The following ATP13A3 variants were observed in gnomAD, a reference collection of about 807,000 sequenced individuals.
ATP13A3 encodes the protein ATPase 13A3, also known as polyamine-transporting ATPase 13A3.
In ATP13A3, 59 loss-of-function variants were observed where a neutral mutation model predicts 158.1. The observed-to-expected ratio is 0.37, with a 90% CI of 0.30 to 0.46. ATP13A3 has a LOEUF of 0.46. Ranked by LOEUF, ATP13A3 falls within the 20% of genes least tolerant of loss-of-function variation. The probability of loss-of-function intolerance (pLI) is 1.00; values close to 1 mark genes in which losing one functional copy is unlikely to be tolerated. For synonymous variants in ATP13A3, 491 were observed against 504.3 expected, an observed-to-expected ratio of 0.97 and a Z score of 0.35; for missense variants, 1,166 against 1,525.2, an observed-to-expected ratio of 0.76 and a Z score of 3.92.
At chr3:194,413,730 G>A (rs1300615588) in intron 32 of ATP13A3, 29 bp downstream of exon 32, 1 of 1,569,632 alleles carries the variant, frequency 6.4e-7, no homozygotes, top group Non-Finnish European at 8.8e-7. Flanking sequence ...AAAGCAACAT[G>A]GTAGCCATTT....
intron 3 of ATP13A3, among the ~76,000 whole-genome samples, chr3:194,461,751 C>A (rs536393551): frequency 6.6e-6 from 1 of 152,144 alleles, no homozygotes; most frequent in South Asian, 2.1e-4. Context: ...CTGGCTCCCC[C>A]CAACAAAAAG....
intron 17 of ATP13A3, among the ~76,000 whole-genome samples, chr3:194,437,960 G>T (rs1161946584): frequency 2.6e-5 from 4 of 152,182 alleles, no homozygotes; most frequent in Non-Finnish European, 5.9e-5. Flanking sequence ...AGGAGATCGA[G>T]ACCAGACTTA....
At chr3:194,427,297 C>T in intron 28 of ATP13A3, 45 bp from the exon 29 acceptor site, 1 of 1,511,852 alleles carries the variant, frequency 6.6e-7, no homozygotes, top group Non-Finnish European at 8.9e-7. Context: ...TTACATTAAT[C>T]TATCACTATA....
At chr3:194,439,077 T>C in intron 16 of ATP13A3, 105 bp from the exon 17 acceptor site, 1 of 633,320 alleles carries the variant, frequency 1.6e-6, no homozygotes, top group Non-Finnish European at 2.6e-6. Context: ...TTATGGCCAT[T>C]TTCAATAATT....
chr3:194,438,553 A>G (rs527407783), intron 17 of ATP13A3, among the ~76,000 whole-genome samples: 1 of 152,354 alleles, frequency 6.6e-6, no homozygotes, highest in African/African-American at 2.4e-5. Context: ...TTTCTGATAA[A>G]CGCAGTTAAA....
At chr3:194,479,472 G>C (rs954174959) in intron 2 of ATP13A3, among the ~76,000 whole-genome samples, 12 of 151,534 alleles carry the variant, frequency 7.9e-5, no homozygotes, top group Non-Finnish European at 1.6e-4. Context: ...GAGAAACAAG[G>C]AAACTACAGA....
chr3:194,458,327 G>C (rs1577076986), intron 6 of ATP13A3, among the ~76,000 whole-genome samples: 1 of 150,904 alleles, frequency 6.6e-6, no homozygotes, highest in African/African-American at 2.4e-5. Context: ...GGCAGCAGGG[G>C]CCAGTGCCAA....
At chr3:194,452,377 G>C (rs114073587) in intron 10 of ATP13A3, 1 of 152,084 alleles carries the variant, frequency 6.6e-6, no homozygotes, top group Non-Finnish European at 1.5e-5. Flanking sequence ...CTCTAATCCC[G>C]GCTACTCAGG....
intron 2 of ATP13A3, among the ~76,000 whole-genome samples, chr3:194,464,759 C>T (rs1401292926): frequency 6.6e-6 from 1 of 152,078 alleles, no homozygotes; most frequent in African/African-American, 2.4e-5. Flanking sequence ...CAGTAGTCAC[C>T]GGGGTCTGTT....
chr3:194,413,666 C>T, intron 32 of ATP13A3, 93 bp downstream of exon 32: 1 of 1,126,256 alleles, frequency 8.9e-7, no homozygotes, highest in South Asian at 1.3e-5. Context: ...TGTGGCTTTC[C>T]ATTATATTAC....
chr3:194,430,459 T>C (rs1717136735), intron 24 of ATP13A3, 144 bp from the exon 25 acceptor site: 7 of 908,696 alleles, frequency 7.7e-6, no homozygotes, highest in South Asian at 1.7e-5. Context: ...TTCACTATAA[T>C]GAACACAGGT....
chr3:194,465,213 C>CA (rs1456388977), intron 2 of ATP13A3, among the ~76,000 whole-genome samples: 1 of 151,964 alleles, frequency 6.6e-6, no homozygotes, highest in East Asian at 1.9e-4. Context: ...TTACAGGTCA[C>CA]AAAAAAAGGG....
chr3:194,453,576 G>A lies in ATP13A3; in HGVS notation c.838+130C>T, dbSNP rs114273448. The A allele has an allele frequency of 7.3e-3, 5,335 of 727,726 alleles. 213 individuals are homozygous for A. The African/African-American group carries it at 0.087, about 12-fold the overall frequency. 45.1% of individuals were successfully genotyped at this position (727,726 alleles called of 1,614,324 possible). On this transcript the variant is annotated intron_variant, in intron 10 of 33. Coordinates refer to ENST00000645319, the MANE Select transcript of ATP13A3 (RefSeq NM_001367549.1). Reference sequence around the variant, plus strand: ...ATTGTGCCTTTGCACTCCAGCCTAAGTGACAGAGACACTGACTCAATCAAT... The same window carrying A: ...ATTGTGCCTTTGCACTCCAGCCTAAATGACAGAGACACTGACTCAATCAAT...
At position 194,431,243 on chromosome 3, in the gene ATP13A3, T is replaced by C. The variant is rs760505546; in HGVS notation, c.2422-17A>G. On this transcript the variant is annotated splice_polypyrimidine_tract_variant and intron_variant, in intron 22 of 33. Coordinates refer to ENST00000645319, the MANE Select transcript of ATP13A3 (RefSeq NM_001367549.1). ...CGGAATAGCCTGTGTATATGAGACA[T>C]TGGGAACAATATTTAGGCAACCAAA... 6.6e-5 allele frequency: 104 copies of C among 1,576,154 alleles called. No individual in the cohort carries two copies. Among genetic ancestry groups the C allele is most frequent in the African/African-American group, 8.1e-5 (6 of 74,052 alleles).
chr3:194,453,666 T>G, intron 10 of ATP13A3, 40 bp downstream of exon 10: 1 of 1,503,494 alleles, frequency 6.7e-7, no homozygotes, highest in Non-Finnish European at 9.2e-7. Context: ...GCCTAACAGG[T>G]ATCTTTTTTG....
At chr3:194,439,262 C>T (rs1717877340) in intron 16 of ATP13A3, among the ~76,000 whole-genome samples, 1 of 152,190 alleles carries the variant, frequency 6.6e-6, no homozygotes, top group African/African-American at 2.4e-5. Context: ...TTCACTCTTA[C>T]AACTTGTTGG....
At position 194,459,533 on chromosome 3, in the gene ATP13A3, A is replaced by G; in HGVS notation, c.417T>C (p.Tyr139=). Residue 139 remains tyrosine, a synonymous_variant, in exon 6 of 34, where the codon TAT becomes TAC. Transcript: ENST00000645319. Reference sequence around the variant, plus strand: ...AATATTTTACACTATGGTGGGTGAAATAACGAATCTGTGGAACACAAATAA... The same window carrying G: ...AATATTTTACACTATGGTGGGTGAAGTAACGAATCTGTGGAACACAAATAA... The part of the protein sequence containing the change: ...YSQTESQQIR[Y]FTHHSVKYFW... 6.9e-6 allele frequency: 11 copies of G among 1,604,228 alleles called. No homozygotes were observed. The highest frequency in any genetic ancestry group is 8.5e-6 in the Non-Finnish European group (10 of 1,171,726).
At chr3:194,417,446 A>ACAC (rs1560072223) in intron 31 of ATP13A3, among the ~76,000 whole-genome samples, 16 of 84,140 alleles carry the variant, frequency 1.9e-4, no homozygotes, top group South Asian at 1.2e-3. Context: ...CACACACACA[A>ACAC]AAGGAGGAAG....
intron 16 of ATP13A3, among the ~76,000 whole-genome samples, chr3:194,440,134 T>C (rs1717941506): frequency 6.6e-6 from 1 of 151,876 alleles, no homozygotes; most frequent in Non-Finnish European, 1.5e-5. Context: ...AAAACAAACC[T>C]GAAGGAAGGG....
Sources: allele counts gnomAD v4.1 joint callset (sites outside exome capture counted in the v4.1 genomes callset), GRCh38; gene constraint gnomAD v4.1.1; transcripts MANE v1.5; gene names NCBI Gene and HGNC (gene_info 2026-07-23, HGNC 2026-07-21).